The following CLEC4A variants were observed in gnomAD, a reference collection of about 807,000 sequenced individuals.
CLEC4A encodes C-type (calcium dependent, carbohydrate-recognition domain) lectin, superfamily member 6.
In CLEC4A, 27 loss-of-function variants were observed where a neutral mutation model predicts 32.7. The observed-to-expected ratio is 0.83, with a 90% CI of 0.61 to 1.14. The LOEUF is 1.14. Ranked by LOEUF, CLEC4A falls within the 50% of genes most tolerant of loss-of-function variation. The pLI is 0.00. For synonymous variants in CLEC4A, 89 were observed against 93.7 expected (o/e 0.95, Z 0.29); for missense variants, 253 against 274.6 (o/e 0.92, Z 0.55).
the CLEC4A span, among the ~76,000 whole-genome samples, chr12:8,103,394 T>A: frequency 7.9e-6 from 1 of 126,016 alleles, no homozygotes; most frequent in African/African-American, 3.0e-5. Context: ...TTTTTTTTTT[T>A]TTTTTTTTTT....
At chr12:8,134,477 C>T in intron 3 of CLEC4A, 1 of 1,613,942 alleles carries the variant, frequency 6.2e-7, no homozygotes, top group Non-Finnish European at 8.5e-7. Flanking sequence ...GCTTCTCCTT[C>T]TCCAGCTTCA....
chr12:8,104,510 A>G, the CLEC4A span, among the ~76,000 whole-genome samples: 1 of 152,320 alleles, frequency 6.6e-6, no homozygotes, highest in African/African-American at 2.4e-5. Context: ...TCTTCAAGAA[A>G]CAATCAAACC....
intron 1 of CLEC4A, 126 bp from the exon 2 acceptor site, chr12:8,125,435 G>C (rs1947884806): frequency 1.6e-6 from 1 of 614,706 alleles, no homozygotes; most frequent in Non-Finnish European, 2.9e-6. Context: ...ATTCTCATGT[G>C]ATTTCAAATG....
At chr12:8,109,966 C>G in the CLEC4A span, among the ~76,000 whole-genome samples, 2 of 152,058 alleles carry the variant, frequency 1.3e-5, no homozygotes, top group Non-Finnish European at 2.9e-5. Flanking sequence ...TAAGGGATGA[C>G]AGGGAGACAT....
At chr12:8,104,449 GA>G in the CLEC4A span, among the ~76,000 whole-genome samples, 1 of 152,138 alleles carries the variant, frequency 6.6e-6, no homozygotes, top group African/African-American at 2.4e-5. Flanking sequence ...CTGTGCATAC[GA>G]AAGCCTACGG....
intron 5 of CLEC4A, among the ~76,000 whole-genome samples, 155 bp from the exon 6 acceptor site, chr12:8,137,985 T>C (rs1202677321): frequency 6.6e-6 from 1 of 152,184 alleles, no homozygotes; most frequent in Non-Finnish European, 1.5e-5. Flanking sequence ...GAAATGCAGA[T>C]GGAGGAGAAG....
chr12:8,114,297 T>C, the CLEC4A span, among the ~76,000 whole-genome samples: 17 of 152,058 alleles, frequency 1.1e-4, no homozygotes, highest in Admixed American at 3.9e-4. Flanking sequence ...CAGGCTGGAG[T>C]GCAGTGGCGT....
At chr12:8,103,293 T>TCTTC in the CLEC4A span, among the ~76,000 whole-genome samples, 1 of 151,404 alleles carries the variant, frequency 6.6e-6, no homozygotes, top group African/African-American at 2.4e-5. Flanking sequence ...TATAATTTCA[T>TCTTC]CTTCAACTCA....
intron 1 of CLEC4A, 141 bp from the exon 2 acceptor site, chr12:8,125,420 T>G (rs1355097261): frequency 1.5e-5 from 9 of 588,002 alleles, no homozygotes. Flanking sequence ...ATCCTTTCTA[T>G]TCCTATTCTC....
At chr12:8,114,539 C>T in the CLEC4A span, among the ~76,000 whole-genome samples, 21 of 152,300 alleles carry the variant, frequency 1.4e-4, no homozygotes, top group African/African-American at 5.1e-4. Flanking sequence ...CCACCGCGCC[C>T]GGCCAATTCC....
chr12:8,110,638 C>T, the CLEC4A span, among the ~76,000 whole-genome samples: 2 of 152,144 alleles, frequency 1.3e-5, no homozygotes, highest in African/African-American at 2.4e-5. Flanking sequence ...TGTGCTTCTC[C>T]CATTGTATTG....
chr12:8,118,946 C>T (rs1218211274), upstream of CLEC4A, among the ~76,000 whole-genome samples: 1 of 152,168 alleles, frequency 6.6e-6, no homozygotes, highest in African/African-American at 2.4e-5. Context: ...GAGTTCCTCC[C>T]CTTAGAAGAT....
the CLEC4A span, among the ~76,000 whole-genome samples, chr12:8,116,416 A>G: frequency 6.6e-6 from 1 of 152,166 alleles, no homozygotes; most frequent in Non-Finnish European, 1.5e-5. Context: ...ATAGGTATAC[A>G]TTAAGGGCCG....
At chr12:8,130,842 A>T (rs1227718572) in intron 3 of CLEC4A, among the ~76,000 whole-genome samples, 2 of 152,200 alleles carry the variant, frequency 1.3e-5, no homozygotes, top group Non-Finnish European at 2.9e-5. Flanking sequence ...ATATTGGTAT[A>T]TTATTAATTA....
intron 3 of CLEC4A, 36 bp downstream of exon 3, chr12:8,129,398 T>TTCTAG: frequency 7.6e-7 from 1 of 1,317,790 alleles, no homozygotes; most frequent in Non-Finnish European, 1.1e-6. Flanking sequence ...AGTTGCTGAA[T>TTCTAG]GTACTATGTA....
At chr12:8,135,871 G>GCTC in intron 4 of CLEC4A, 135 bp downstream of exon 4, 1 of 831,984 alleles carries the variant, frequency 1.2e-6, no homozygotes, top group Non-Finnish European at 1.8e-6. Context: ...GGTAGAAAGG[G>GCTC]CTCCTAAGCC....
At chr12:8,135,002 GGCTGC>G (rs1565406411) in intron 3 of CLEC4A, among the ~76,000 whole-genome samples, 97 of 8,766 alleles carry the variant, frequency 0.011, 1 homozygote, top group East Asian at 0.047. Flanking sequence ...TTTTAATCAT[GGCTGC>G]TTTTAAATCT....
At chr12:8,115,056 G>C in the CLEC4A span, among the ~76,000 whole-genome samples, 206 of 152,296 alleles carry the variant, frequency 1.4e-3, no homozygotes, top group African/African-American at 4.7e-3. Flanking sequence ...TGCCAAAGAG[G>C]GTTCAAGCAC....
intron 3 of CLEC4A, among the ~76,000 whole-genome samples, chr12:8,131,665 A>T (rs1477578421): frequency 6.6e-6 from 1 of 152,224 alleles, no homozygotes; most frequent in African/African-American, 2.4e-5. Flanking sequence ...ATATCTGGGC[A>T]CTGTGGCCTA....
Sources: allele counts gnomAD v4.1 joint callset (sites outside exome capture counted in the v4.1 genomes callset), GRCh38; gene constraint gnomAD v4.1.1; transcripts MANE v1.5; gene names NCBI Gene and HGNC (gene_info 2026-07-23, HGNC 2026-07-21).